The following PKNOX2 variants were observed in gnomAD, a reference collection of about 807,000 sequenced individuals.
The protein encoded by PKNOX2 is homeobox protein PKNOX2.
Under a neutral mutation model 53.1 loss-of-function variants are expected in PKNOX2, and 14 were observed. The ratio of observed to expected loss-of-function variants is 0.26; its 90% confidence interval spans 0.17 to 0.41. The LOEUF (loss-of-function observed/expected upper bound fraction) is 0.41. Ranked by LOEUF, PKNOX2 falls within the 10% of genes least tolerant of loss-of-function variation. The pLI, the probability that PKNOX2 is intolerant of heterozygous loss-of-function variation, is 1.00. For missense variants in PKNOX2, 496 were observed against 602.8 expected, an observed-to-expected ratio of 0.82 and a Z score of 1.85; for synonymous variants, 257 against 242.8, an observed-to-expected ratio of 1.06 and a Z score of -0.54.
Position 125,165,136 on chromosome 11 carries a change from A to G in PKNOX2, c.-201+360A>G, listed in dbSNP as rs1954759985. Among the ~76,000 whole-genome samples, 1 of 147,776 alleles carries G rather than the reference A, an allele frequency of 6.8e-6. No homozygotes were observed. The highest frequency in any genetic ancestry group is 2.1e-4 in the South Asian group (1 of 4,716). On this transcript the variant is annotated intron_variant, in intron 1 of 12. Coordinates refer to ENST00000298282, the MANE Select transcript of PKNOX2 (RefSeq NM_001382323.2). The surrounding 1 kb of genome is among the most constrained non-coding windows in gnomAD (Gnocchi z 4.5). ...GGGCCGCCCGCTCCCCTGCCCGGCC[A>G]GCGCTCAGCCCCGCCGCCGCCGCCG...
intron 1 of PKNOX2, among the ~76,000 whole-genome samples, chr11:125,207,736 C>T (rs954366075): frequency 4.6e-5 from 7 of 151,934 alleles, no homozygotes; most frequent in Admixed American, 4.6e-4. Context: ...AGATTGGAGA[C>T]GGGTATGGGT....
rs572956094 is a variant in PKNOX2, at chr11:125,238,485, C to T, written c.-130+3370C>T. 6.5e-4 allele frequency among the ~76,000 whole-genome samples: 99 copies of T among 152,222 alleles called. 1 individual carries two copies. The highest frequency in any genetic ancestry group is 2.2e-3 in the African/African-American group (92 of 41,546). On this transcript the variant is annotated intron_variant, in intron 2 of 12. Transcript: ENST00000298282. ...AGGCTTAGAGAGCAAGAGGAATACC[C>T]TAGGAAGTAACAGAATTGAAATTCA...
intron 7 of PKNOX2, among the ~76,000 whole-genome samples, chr11:125,403,259 A>G (rs1419073546): frequency 6.6e-6 from 1 of 152,138 alleles, no homozygotes; most frequent in Non-Finnish European, 1.5e-5. Context: ...TTGAAGCCAA[A>G]TGTGTGGGAG....
At chr11:125,367,313 C>T (rs1952239520) in intron 4 of PKNOX2, among the ~76,000 whole-genome samples, 1 of 152,170 alleles carries the variant, frequency 6.6e-6, no homozygotes, top group South Asian at 2.1e-4. Flanking sequence ...CCACTAAAGC[C>T]TGCTTATCTT....
chr11:125,224,841 A>G (rs1941550359), intron 1 of PKNOX2, among the ~76,000 whole-genome samples: 1 of 152,188 alleles, frequency 6.6e-6, no homozygotes, highest in African/African-American at 2.4e-5. Flanking sequence ...CTGTTAAGTT[A>G]TTTATGAAAC....
rs112800881 is a variant in PKNOX2 at position 125,273,818 on chromosome 11, C to T, written c.-130+38703C>T. ...TTGTTTTGTTTTGTTTTGTGTTTTGCTTTTACCGTAACTGACAAAGACTTG... is the reference window on the plus strand; with the variant it reads ...TTGTTTTGTTTTGTTTTGTGTTTTGTTTTTACCGTAACTGACAAAGACTTG... On this transcript the variant is annotated intron_variant, in intron 2 of 12. Transcript: ENST00000298282. Among the ~76,000 whole-genome samples the T allele has an allele frequency of 8.7e-4, 132 of 152,276 alleles. 2 individuals are homozygous for T. Among genetic ancestry groups the T allele is most frequent in the African/African-American group, 3.1e-3 (127 of 41,556 alleles).
At chr11:125,179,434 G>A (rs780669458) in intron 1 of PKNOX2, among the ~76,000 whole-genome samples, 14 of 152,218 alleles carry the variant, frequency 9.2e-5, no homozygotes, top group Non-Finnish European at 1.6e-4. Context: ...TTTGAGGTGA[G>A]CCTGAAGGGA....
intron 2 of PKNOX2, among the ~76,000 whole-genome samples, chr11:125,263,118 A>G (rs1945010245): frequency 6.6e-6 from 1 of 152,184 alleles, no homozygotes; most frequent in Admixed American, 6.5e-5. Context: ...TAGCTCTAGT[A>G]TGCCCTGGTT....
intron 2 of PKNOX2, among the ~76,000 whole-genome samples, chr11:125,307,218 G>A (rs916440394): frequency 6.6e-6 from 1 of 152,182 alleles, no homozygotes; most frequent in African/African-American, 2.4e-5. Flanking sequence ...ACAGTTGTCT[G>A]AGTGACAACA....
At position 125,165,965 on chromosome 11, in the gene PKNOX2, C is replaced by T. The variant is rs1489165580; in HGVS notation, c.-201+1189C>T. Among the ~76,000 whole-genome samples, 7 of 152,000 alleles carry T rather than the reference C, an allele frequency of 4.6e-5. No homozygotes were observed. The highest frequency in any genetic ancestry group is 8.8e-5 in the Non-Finnish European group (6 of 68,000). ...GGCCGTCCTTTCCCGGGGCTCTTCA[C>T]GGGGGAGCCGGGGGTTTCCGCGCGG... is the stretch of plus-strand genomic sequence containing the variant. On this transcript the variant is annotated intron_variant, in intron 1 of 12. Transcript: ENST00000298282. The surrounding 1 kb of genome is among the most constrained non-coding windows in gnomAD (Gnocchi z 4.5).
intron 4 of PKNOX2, among the ~76,000 whole-genome samples, chr11:125,365,663 T>A (rs908336513): frequency 3.3e-5 from 5 of 152,210 alleles, no homozygotes; most frequent in African/African-American, 1.2e-4. Context: ...GGAGGAAGCA[T>A]GAGACACTCT....
At chr11:125,286,171 A>G (rs1293700438) in intron 2 of PKNOX2, among the ~76,000 whole-genome samples, 1 of 152,224 alleles carries the variant, frequency 6.6e-6, no homozygotes, top group Non-Finnish European at 1.5e-5. Flanking sequence ...CACGGGAAGA[A>G]AGGAATGGGA....
At chr11:125,202,045 AAC>A (rs1285411266) in intron 1 of PKNOX2, among the ~76,000 whole-genome samples, 2 of 152,232 alleles carry the variant, frequency 1.3e-5, no homozygotes, top group African/African-American at 4.8e-5. Flanking sequence ...GCTTAAAGAA[AAC>A]ACAGAGGGTC....
At chr11:125,381,846 C>G (rs560513380) in intron 5 of PKNOX2, among the ~76,000 whole-genome samples, 4 of 152,354 alleles carry the variant, frequency 2.6e-5, no homozygotes, top group Admixed American at 2.6e-4. Flanking sequence ...GAACGCCAGT[C>G]CCTTAGCTCC....
At chr11:125,376,801 G>A (rs940694629) in intron 5 of PKNOX2, among the ~76,000 whole-genome samples, 9 of 152,328 alleles carry the variant, frequency 5.9e-5, no homozygotes, top group African/African-American at 2.2e-4. Context: ...GACTGGAGGA[G>A]CCCACCATGC....
intron 11 of PKNOX2, 78 bp downstream of exon 11, chr11:125,429,166 AG>A: frequency 2.9e-6 from 4 of 1,367,108 alleles, no homozygotes; most frequent in Non-Finnish European, 4.1e-6. Flanking sequence ...AGCAGGGAAA[AG>A]AGACTCGAAT....
intron 10 of PKNOX2, among the ~76,000 whole-genome samples, chr11:125,414,890 T>A (rs1316426356): frequency 6.6e-6 from 1 of 152,104 alleles, no homozygotes; most frequent in Non-Finnish European, 1.5e-5. Context: ...CAAGAGCAAG[T>A]TTTGGAGGCT....
At chr11:125,253,118 G>A (rs1944130951) in intron 2 of PKNOX2, among the ~76,000 whole-genome samples, 1 of 152,166 alleles carries the variant, frequency 6.6e-6, no homozygotes, top group Non-Finnish European at 1.5e-5. Flanking sequence ...ATATCTTTAT[G>A]CTTCTGAGGC....
intron 1 of PKNOX2, among the ~76,000 whole-genome samples, chr11:125,206,256 G>A (rs571743243): frequency 2.0e-5 from 3 of 152,110 alleles, no homozygotes; most frequent in South Asian, 2.1e-4. Context: ...AGGGATTGTA[G>A]GCTCGGACTG....
Sources: allele counts gnomAD v4.1 joint callset (sites outside exome capture counted in the v4.1 genomes callset), GRCh38; gene constraint gnomAD v4.1.1; non-coding constraint Gnocchi (gnomAD v3.1); transcripts MANE v1.5; gene names NCBI Gene and HGNC (gene_info 2026-07-23, HGNC 2026-07-21).